The following RNF213 variants were observed in gnomAD, a reference collection of about 807,000 sequenced individuals.
RNF213 encodes the protein ring finger protein 213.
In RNF213, 341 loss-of-function variants were observed where a neutral mutation model predicts 514.4. That is an observed-to-expected ratio of 0.66 (90% CI 0.61 to 0.73). RNF213 has a LOEUF of 0.73. Ranked by LOEUF, RNF213 falls within the 30% of genes least tolerant of loss-of-function variation. RNF213 has a pLI of 0.00. For synonymous variants in RNF213, 2,655 were observed against 2,658.2 expected, an observed-to-expected ratio of 1.00 and a Z score of 0.04; for missense variants, 5,767 against 6,615.6, an observed-to-expected ratio of 0.87 and a Z score of 4.45.
rs2143452958 is a variant in RNF213 at position 80,298,474 on chromosome 17, G to A, written c.2166G>A (p.Leu722=). Residue 722 remains leucine (L), a synonymous_variant, in exon 11 of 68, where the codon CTG becomes CTA. Transcript: ENST00000582970. ...AGCCTGAGGACACCTGGGCCGCTCT[G>A]GAGGGACTCTCCTTCTCACCGTTCC... The part of the protein sequence containing the change: ...WRQPEDTWAA[L]EGLSFSPFRE... 1.9e-6 allele frequency: 3 copies of A among 1,614,192 alleles called. No homozygotes were observed. The highest frequency in any genetic ancestry group is 1.3e-5 in the African/African-American group (1 of 75,042).
chr17:80,269,682 G>C (rs1406949356), intron 2 of RNF213, among the ~76,000 whole-genome samples: 2 of 151,612 alleles, frequency 1.3e-5, no homozygotes, highest in African/African-American at 2.4e-5. Context: ...CCATTCATCT[G>C]TTCTATCTAT....
Position 80,347,631 on chromosome 17 carries a change from T to C in RNF213, c.9296T>C (p.Met3099Thr). ...RVKICMETGK[M>T]VLLLNLQNLY... is the part of the protein sequence containing the mutation. ...AAGATCTGCATGGAAACAGGCAAGA[T>C]GGTGTTGCTTCTCAACCTGCAGAAC... The change falls in exon 29 of 68, where the codon ATG (methionine) becomes ACG (threonine). Residue 3099 changes from methionine to threonine, a missense_variant. Met to Thr is a moderately conservative substitution (Grantham distance 81). Transcript: ENST00000582970. The surrounding 1 kb of genome is among the most constrained non-coding windows in gnomAD (Gnocchi z 7.2). 1.9e-6 allele frequency: 3 copies of C among 1,614,170 alleles called. No individual in the cohort carries two copies. The highest frequency in any genetic ancestry group is 2.2e-5 in the South Asian group (2 of 91,082).
intron 29 of RNF213, among the ~76,000 whole-genome samples, chr17:80,348,800 A>C (rs1015903018): frequency 6.6e-6 from 1 of 152,232 alleles, no homozygotes; most frequent in African/African-American, 2.4e-5. Context: ...TTCTGTGGGC[A>C]GAGCCGCTGA....
chr17:80,301,855 C>G (rs1008451118), intron 11 of RNF213, among the ~76,000 whole-genome samples: 13 of 152,168 alleles, frequency 8.5e-5, no homozygotes, highest in African/African-American at 3.1e-4. Flanking sequence ...TCGTAACACT[C>G]AATAGCCATA....
At chr17:80,390,398 C>CTGAA (rs1399122319) in intron 67 of RNF213, among the ~76,000 whole-genome samples, 1 of 152,150 alleles carries the variant, frequency 6.6e-6, no homozygotes, top group African/African-American at 2.4e-5. Flanking sequence ...AAGTGTTTTT[C>CTGAA]AGACAAGAGT....
chr17:80,394,985 G>C lies in RNF213; in HGVS notation c.*1487G>C, dbSNP rs1380322562. On this transcript the variant is annotated 3_prime_UTR_variant, in exon 68 of 68. Coordinates refer to ENST00000582970, the MANE Select transcript of RNF213 (RefSeq NM_001256071.3). ...TGCTGAAGTCTTCAACTTGCACTCG[G>C]AGCTCCTTTGATACCTCAGAGCTGG... The C allele has an allele frequency of 6.6e-6, 1 of 152,066 alleles. No homozygotes were observed. The highest frequency in any genetic ancestry group is 1.5e-5 in the Non-Finnish European group (1 of 68,082). 9.4% of individuals were successfully genotyped at this position (152,066 alleles called of 1,614,324 possible).
In RNF213 at chr17:80,345,086, G is replaced by A. The variant is rs1160667944; in HGVS notation, c.6751G>A (p.Val2251Met). The A allele has an allele frequency of 5.6e-6, 9 of 1,614,098 alleles. No homozygotes were observed. Among genetic ancestry groups the A allele is most frequent in the Non-Finnish European group, 7.6e-6 (9 of 1,180,014 alleles). Residue 2251 changes from valine to methionine, a missense_variant, in exon 29 of 68, where the codon GTG becomes ATG. This residue lies in a region of RNF213 where 1,377 missense variants were observed against 1,635.2 expected (regional missense o/e 0.84). Coordinates refer to ENST00000582970, the MANE Select transcript of RNF213 (RefSeq NM_001256071.3). The surrounding 1 kb of genome is among the most constrained non-coding windows in gnomAD (Gnocchi z 6.0). ...CACACTGAGGGGCTTCAAGAAGTTC[G>A]TGGTGACCTTCATGATCTTTATGGC... ...GDTLRGFKKF[V>M]VTFMIFMARD...
Position 80,380,957 on chromosome 17 carries a change from T to C in RNF213, c.13767T>C (p.Ala4589=), listed in dbSNP as rs2079974138. 1 of 1,614,200 alleles carries C rather than the reference T, an allele frequency of 6.2e-7. No homozygotes were observed. Among genetic ancestry groups the C allele is most frequent in the Non-Finnish European group, 8.5e-7 (1 of 1,180,034 alleles). Residue 4589 remains alanine (A), a synonymous_variant, in exon 56 of 68, where the codon GCT becomes GCC. Transcript: ENST00000582970. ...TTATCCGGCTACTCACTCACTTGGC[T>C]CTGCTTCTGGGAGCGTCCCAGAGTT... is the stretch of plus-strand genomic sequence containing the variant. The part of the protein sequence containing the change: ...FLLIRLLTHL[A]LLLGASQSSQ...
intron 49 of RNF213, among the ~76,000 whole-genome samples, chr17:80,373,408 G>C (rs1485213458): frequency 6.6e-6 from 1 of 151,734 alleles, no homozygotes; most frequent in Non-Finnish European, 1.5e-5. Context: ...GAGCCAGGAA[G>C]GAAACCTGCC....
At position 80,288,857 on chromosome 17, in the gene RNF213, T is replaced by G; in HGVS notation, c.933+102T>G. On this transcript the variant is annotated intron_variant, in intron 5 of 67. Transcript: ENST00000582970. This position sits in a 1 kb window ranked among gnomAD's most constrained non-coding sequence, Gnocchi z 4.9. ...AGCAAATATTTAAGTGCTGGGGATATAGCCATGATTCAGACAAAGCTCTGG... is the reference window on the plus strand; with the variant it reads ...AGCAAATATTTAAGTGCTGGGGATAGAGCCATGATTCAGACAAAGCTCTGG... The G allele has an allele frequency of 6.3e-7, 1 of 1,585,052 alleles. No homozygotes were observed. Among genetic ancestry groups the G allele is most frequent in the Non-Finnish European group, 8.6e-7 (1 of 1,160,246 alleles).
chr17:80,348,354 A>C, intron 29 of RNF213, 68 bp downstream of exon 29: 2 of 1,591,520 alleles, frequency 1.3e-6, no homozygotes, highest in Non-Finnish European at 1.7e-6. Context: ...TCGTGTCAGG[A>C]TTCAAGATTC....
At position 80,394,458 on chromosome 17, in the gene RNF213, G is replaced by A. The variant is rs1465156570; in HGVS notation, c.*960G>A. 3.3e-5 allele frequency: 5 copies of A among 152,106 alleles called. No individual in the cohort carries two copies. Among genetic ancestry groups the A allele is most frequent in the Non-Finnish European group, 1.5e-5 (1 of 68,030 alleles). 9.4% of individuals were successfully genotyped at this position (152,106 alleles called of 1,614,324 possible). A position where few individuals can be genotyped will look rare whatever the true frequency, so the allele number is the denominator to read the frequency against. ...AAAACCAGTTATGTTTCGGAAAGAG[G>A]GAAAAGAGTCCCCGAGCCCGGATCT... On this transcript the variant is annotated 3_prime_UTR_variant, in exon 68 of 68. Transcript: ENST00000582970.
chr17:80,386,153 T>C, intron 61 of RNF213, 97 bp from the exon 62 acceptor site: 2 of 1,192,268 alleles, frequency 1.7e-6, no homozygotes, highest in Non-Finnish European at 2.5e-6. Flanking sequence ...CCCGGCTGTG[T>C]GTGGAGCTGA....
Position 80,327,692 on chromosome 17 carries a change from C to T in RNF213, c.3194-124C>T. ...GATTGGCGCATCTGGAGACACTGGC[C>T]AGCCATTGCCTGTGTTTGAGGAAGT... On this transcript the variant is annotated intron_variant, in intron 18 of 67. Coordinates refer to ENST00000582970, the MANE Select transcript of RNF213 (RefSeq NM_001256071.3). 3 of 771,076 alleles carry T rather than the reference C, an allele frequency of 3.9e-6. No homozygotes were observed. The South Asian group carries it at 5.7e-5, about 15-fold the overall frequency. The allele number at this position is 771,076 out of a possible 1,614,324, so 47.8% of individuals were successfully genotyped here. A position where few individuals can be genotyped will look rare whatever the true frequency, so the allele number is the denominator to read the frequency against.
intron 37 of RNF213, among the ~76,000 whole-genome samples, chr17:80,359,359 C>G (rs1417180582): frequency 1.3e-5 from 2 of 151,622 alleles, no homozygotes; most frequent in Non-Finnish European, 2.9e-5. Context: ...GACCCCATCA[C>G]TACAAAAAAT....
rs576724746 is a variant in RNF213 at position 80,317,876 on chromosome 17, T to C, written c.2901+599T>C. On this transcript the variant is annotated intron_variant, in intron 16 of 67. Transcript: ENST00000582970. The surrounding 1 kb of genome is among the most constrained non-coding windows in gnomAD (Gnocchi z 4.1). ...TACCCACACTCGGTGGGTCCCAAGC[T>C]CTTGTCCAGCATCCAAGAAGAATGG... 4.4e-4 allele frequency among the ~76,000 whole-genome samples: 67 copies of C among 152,090 alleles called. 1 individual carries two copies. Among genetic ancestry groups the C allele is most frequent in the African/African-American group, 1.3e-3 (56 of 41,482 alleles).
At chr17:80,373,309 C>A in intron 49 of RNF213, 144 bp downstream of exon 49, 3 of 639,286 alleles carry the variant, frequency 4.7e-6, no homozygotes, top group Admixed American at 2.3e-5. Flanking sequence ...CTCATACCCC[C>A]ACACCTCACC....
chr17:80,265,281 A>G (rs1285765871), intron 2 of RNF213, among the ~76,000 whole-genome samples: 2 of 151,982 alleles, frequency 1.3e-5, no homozygotes, highest in African/African-American at 4.8e-5. Flanking sequence ...TCCTGACCTC[A>G]GGTGATCCAC....
At chr17:80,295,290 C>T (rs894877141) in intron 9 of RNF213, among the ~76,000 whole-genome samples, 2 of 152,178 alleles carry the variant, frequency 1.3e-5, no homozygotes, top group Non-Finnish European at 2.9e-5. Context: ...GCACCTTTAC[C>T]CACACTGCGG....
Sources: gnomAD v4.1 joint callset for allele counts (sites outside exome capture counted in the v4.1 genomes callset) on GRCh38, gnomAD v4.1.1 for gene constraint, gnomAD v4.1.1 regional missense constraint, Gnocchi (gnomAD v3.1) non-coding constraint, MANE v1.5 for transcripts, NCBI Gene and HGNC (gene_info 2026-07-23, HGNC 2026-07-21) for gene names.